Variants in RBFOX1 observed in about 807,000 individuals in gnomAD.
The protein encoded by RBFOX1 is RNA binding fox-1 homolog 1.
A neutral mutation model predicts 57.7 loss-of-function variants in RBFOX1; 8 were observed. The ratio of observed to expected loss-of-function variants is 0.14; its 90% confidence interval spans 0.08 to 0.25. The LOEUF (loss-of-function observed/expected upper bound fraction) is 0.25, where lower values mean the gene tolerates loss of function less well. Among genes scored for constraint, RBFOX1 ranks in the 10% least tolerant of loss-of-function variants. The pLI, the probability that RBFOX1 is intolerant of heterozygous loss-of-function variation, is 1.00. For synonymous variants in RBFOX1, 326 were observed against 222.4 expected (o/e 1.47, Z -4.15); for missense variants, 611 against 548.5 (o/e 1.11, Z -1.14).
At chr16:6,567,582 C>T (rs899420513) in intron 2 of RBFOX1, among the ~76,000 whole-genome samples, 1 of 152,120 alleles carries the variant, frequency 6.6e-6, no homozygotes, top group East Asian at 1.9e-4. Flanking sequence ...TGCTTGTTCT[C>T]AGTCTCTGTC....
At chr16:5,618,294 A>G (rs763227568) in intron 3 of RBFOX1, among the ~76,000 whole-genome samples, 2 of 151,894 alleles carry the variant, frequency 1.3e-5, no homozygotes, top group African/African-American at 4.8e-5. Context: ...GCATGAGTCC[A>G]GATTCATCCA....
chr16:5,366,844 C>G (rs2065730870), intron 1 of RBFOX1, among the ~76,000 whole-genome samples: 1 of 152,112 alleles, frequency 6.6e-6, no homozygotes, highest in Non-Finnish European at 1.5e-5. Context: ...AATGTGTTGT[C>G]CAAAATGCCT....
chr16:6,759,238 C>T (rs886352003), intron 3 of RBFOX1, among the ~76,000 whole-genome samples: 2 of 151,776 alleles, frequency 1.3e-5, no homozygotes, highest in African/African-American at 4.8e-5. Context: ...GGAACCTCCA[C>T]CTCCTGGGTT....
rs1395767044 is a variant in RBFOX1, at chr16:6,231,306, A to T, written c.-126-85689A>T. 3.3e-5 allele frequency among the ~76,000 whole-genome samples: 5 copies of T among 151,542 alleles called. No homozygotes were observed. In the East Asian group the frequency reaches 9.7e-4, roughly 29 times the overall value. On this transcript the variant is annotated intron_variant, in intron 1 of 15. Transcript: ENST00000550418. ...CGAATTTAGTGTAGGTCTAAGGGAT[A>T]TGTTGAAAGATGAAGGTTATAAGTG...
At chr16:5,837,442 A>G (rs1457145673) in intron 3 of RBFOX1, among the ~76,000 whole-genome samples, 2 of 151,846 alleles carry the variant, frequency 1.3e-5, no homozygotes, top group African/African-American at 4.8e-5. Flanking sequence ...GGGCTTTCTG[A>G]GAGATTGCAT....
At chr16:7,212,650 T>C (rs1258408537) in intron 4 of RBFOX1, among the ~76,000 whole-genome samples, 1 of 151,684 alleles carries the variant, frequency 6.6e-6, no homozygotes, top group Non-Finnish European at 1.5e-5. Flanking sequence ...AACGAGAAAA[T>C]AGCCTCAATA....
chr16:6,662,371 G>T (rs940190627), intron 3 of RBFOX1, among the ~76,000 whole-genome samples: 12 of 152,090 alleles, frequency 7.9e-5, no homozygotes, highest in African/African-American at 2.9e-4. Context: ...GTATCAAAAG[G>T]TCACATTGTA....
In RBFOX1 at chr16:7,215,938, T is replaced by G. The variant is rs374065459; in HGVS notation, c.27+163840T>G. Among the ~76,000 whole-genome samples, 17 of 152,142 alleles carry G rather than the reference T, an allele frequency of 1.1e-4. 1 individual carries two copies. The highest frequency in any genetic ancestry group is 5.8e-4 in the East Asian group (3 of 5,154). On this transcript the variant is annotated intron_variant, in intron 4 of 15. Coordinates refer to ENST00000550418, the MANE Select transcript of RBFOX1 (RefSeq NM_018723.4). The stretch of plus-strand genomic sequence containing the variant: ...TGGGGTTTCACCGTGTTAGCCAGGA[T>G]GGTCTCGATTTCCTGACCTTGTGAT...
intron 3 of RBFOX1, among the ~76,000 whole-genome samples, chr16:5,712,194 A>G (rs564289171): frequency 6.6e-6 from 1 of 152,310 alleles, no homozygotes; most frequent in Non-Finnish European, 1.5e-5. Context: ...ACCTTCCACC[A>G]GGTCCCTTCT....
intron 3 of RBFOX1, among the ~76,000 whole-genome samples, chr16:5,847,700 C>A (rs1460532813): frequency 1.3e-5 from 2 of 152,064 alleles, no homozygotes; most frequent in African/African-American, 4.8e-5. Flanking sequence ...ATTCCAGCAC[C>A]AAGCCTTCCA....
intron 3 of RBFOX1, among the ~76,000 whole-genome samples, chr16:6,699,717 G>A (rs1170114223): frequency 6.6e-6 from 1 of 152,152 alleles, no homozygotes; most frequent in Non-Finnish European, 1.5e-5. Flanking sequence ...TAAAATGAAT[G>A]ATCAGGCATG....
At position 6,218,132 on chromosome 16, in the gene RBFOX1, T is replaced by C. The variant is rs189244638; in HGVS notation, c.-126-98863T>C. Among the ~76,000 whole-genome samples the C allele has an allele frequency of 2.0e-3, 305 of 152,308 alleles. 7 individuals carry two copies. The highest frequency in any genetic ancestry group is 7.0e-3 in the African/African-American group (293 of 41,580). On this transcript the variant is annotated intron_variant, in intron 1 of 15. Coordinates refer to ENST00000550418, the MANE Select transcript of RBFOX1 (RefSeq NM_018723.4). ...GCTGTTAGAATGAGTCCCATACACA[T>C]TATTTTTAACCAGATCATTTGTTGA...
chr16:6,943,925 TGAC>T (rs1250433297), intron 3 of RBFOX1, among the ~76,000 whole-genome samples: 1 of 152,158 alleles, frequency 6.6e-6, no homozygotes, highest in Non-Finnish European at 1.5e-5. Context: ...GTTCTGACCA[TGAC>T]ATATCCCTGG....
chr16:6,552,475 G>T (rs375190910), intron 2 of RBFOX1, among the ~76,000 whole-genome samples: 6 of 152,264 alleles, frequency 3.9e-5, no homozygotes, highest in African/African-American at 1.2e-4. Context: ...GATTGAAGGA[G>T]ATACTACCTG....
rs895657661 is a variant in RBFOX1, at chr16:7,632,434, CCT to C, written c.757+1755_757+1756del. Among the ~76,000 whole-genome samples, 29 of 152,246 alleles carry C rather than the reference CCT, an allele frequency of 1.9e-4. No homozygotes were observed. In the Middle Eastern group the frequency reaches 0.014, roughly 71 times the overall value. ...TTTCACATGTCCAGCCTTGTGTATT[CCT>C]CTCAAAACCAGCACCAGGTAGGTAT... On this transcript the variant is annotated intron_variant, in intron 11 of 15. Coordinates refer to ENST00000550418, the MANE Select transcript of RBFOX1 (RefSeq NM_018723.4).
At chr16:7,086,169 T>C (rs1436434602) in intron 4 of RBFOX1, among the ~76,000 whole-genome samples, 2 of 152,162 alleles carry the variant, frequency 1.3e-5, no homozygotes, top group Admixed American at 1.3e-4. Context: ...TCGCCACCCG[T>C]CTCATGCTGC....
intron 3 of RBFOX1, among the ~76,000 whole-genome samples, chr16:6,931,946 A>T (rs1266035851): frequency 6.6e-6 from 1 of 152,138 alleles, no homozygotes; most frequent in Admixed American, 6.5e-5. Flanking sequence ...CAGGGGGCTG[A>T]AGTCATCCTT....
intron 3 of RBFOX1, among the ~76,000 whole-genome samples, chr16:5,744,807 G>A (rs554056975): frequency 6.6e-6 from 1 of 152,194 alleles, no homozygotes; most frequent in South Asian, 2.1e-4. Flanking sequence ...GCCCAGGCTG[G>A]AGTGCAGTGG....
At position 6,767,929 on chromosome 16, in the gene RBFOX1, T is replaced by TAAGAAG. The variant is rs1388686342; in HGVS notation, c.-16+113281_-16+113282insGAAGAA. Among the ~76,000 whole-genome samples the TAAGAAG allele has an allele frequency of 2.1e-3, 187 of 88,420 alleles. 1 individual carries two copies. The highest frequency in any genetic ancestry group is 0.01 in the African/African-American group (167 of 16,690). 58.0% of individuals were successfully genotyped at this position (88,420 alleles called of 152,430 possible). A position where few individuals can be genotyped will look rare whatever the true frequency, so the allele number is the denominator to read the frequency against. ...GACTCTATCTCAATAATAATAATAA[T>TAAGAAG]AATAATAATAATAATAATAAGAAGA... On this transcript the variant is annotated intron_variant, in intron 3 of 15. Coordinates refer to ENST00000550418, the MANE Select transcript of RBFOX1 (RefSeq NM_018723.4).
Sources: gnomAD v4.1 joint callset for allele counts (sites outside exome capture counted in the v4.1 genomes callset) on GRCh38, gnomAD v4.1.1 for gene constraint, MANE v1.5 for transcripts, NCBI Gene and HGNC (gene_info 2026-07-23, HGNC 2026-07-21) for gene names.